Variants in NEDD4L observed in about 807,000 individuals in gnomAD.
The protein encoded by NEDD4L is NEDD4 like E3 ubiquitin protein ligase.
Under a neutral mutation model 148.9 loss-of-function variants are expected in NEDD4L, and 54 were observed. The ratio of observed to expected loss-of-function variants is 0.36; its 90% CI spans 0.29 to 0.45. The LOEUF is 0.45. Among genes scored for constraint, NEDD4L ranks in the 20% least tolerant of loss-of-function variants. NEDD4L has a pLI of 1.00. For missense variants in NEDD4L, 856 were observed against 1,233.8 expected (o/e 0.69, Z 4.59); for synonymous variants, 433 against 440.7 (o/e 0.98, Z 0.22).
intron 2 of NEDD4L, among the ~76,000 whole-genome samples, chr18:58,217,447 A>G (rs1192669266): frequency 6.6e-6 from 1 of 152,226 alleles, no homozygotes; most frequent in Non-Finnish European, 1.5e-5. Flanking sequence ...TAAGTGATAT[A>G]GTACATTCTT....
At position 58,366,720 on chromosome 18, in the gene NEDD4L, T is replaced by C. The variant is rs1198762875; in HGVS notation, c.2063+492T>C. On this transcript the variant is annotated intron_variant, in intron 21 of 30. Coordinates refer to ENST00000400345, the MANE Select transcript of NEDD4L (RefSeq NM_001144967.3). The surrounding 1 kb of genome is among the most constrained non-coding windows in gnomAD (Gnocchi z 4.2). ...TTTCATCATTGCCAGGCTTGGAAAC[T>C]GAGGCAGACTAAATTGCTTTCTGAG... 1 of 152,632 alleles carries C rather than the reference T, an allele frequency of 6.6e-6. No homozygotes were observed. Among genetic ancestry groups the C allele is most frequent in the East Asian group, 1.9e-4 (1 of 5,214 alleles). The allele number at this position is 152,632 out of a possible 1,614,324, so 9.5% of individuals were successfully genotyped here. A position where few individuals can be genotyped will look rare whatever the true frequency, so the allele number is the denominator to read the frequency against.
intron 1 of NEDD4L, among the ~76,000 whole-genome samples, chr18:58,112,360 CTTTATTTATTTA>C (rs199799632): frequency 0.018 from 2,532 of 143,628 alleles, 49 homozygotes; most frequent in Admixed American, 0.038. Context: ...TCCTATTTGT[CTTTATTTATTTA>C]TTTATTTATT....
At chr18:58,312,155 A>G (rs2057774562) in intron 5 of NEDD4L, among the ~76,000 whole-genome samples, 1 of 152,242 alleles carries the variant, frequency 6.6e-6, no homozygotes. Context: ...GCTCCATTCT[A>G]CATTGTCATT....
At chr18:58,374,568 G>A (rs1449209675) in intron 24 of NEDD4L, among the ~76,000 whole-genome samples, 1 of 152,018 alleles carries the variant, frequency 6.6e-6, no homozygotes, top group Non-Finnish European at 1.5e-5. Context: ...ATGGGGCAGG[G>A]AGGGGTCTTT....
intron 5 of NEDD4L, among the ~76,000 whole-genome samples, chr18:58,281,807 C>T (rs62096364): frequency 0.16 from 23,611 of 151,712 alleles, 2,066 homozygotes; most frequent in Non-Finnish European, 0.18. Context: ...GGGCGGATCA[C>T]GAGGTCAGGA....
At chr18:58,152,936 G>A (rs910919411) in intron 1 of NEDD4L, among the ~76,000 whole-genome samples, 1 of 152,196 alleles carries the variant, frequency 6.6e-6, no homozygotes, top group African/African-American at 2.4e-5. Flanking sequence ...GAAATCTCAT[G>A]ACAGGCATCA....
intron 11 of NEDD4L, among the ~76,000 whole-genome samples, chr18:58,331,958 A>G (rs1774633877): frequency 6.6e-6 from 1 of 152,252 alleles, no homozygotes; most frequent in South Asian, 2.1e-4. Flanking sequence ...TCAAAAAGAG[A>G]TGTGTCGCCA....
intron 13 of NEDD4L, among the ~76,000 whole-genome samples, chr18:58,339,047 G>C (rs12373506): frequency 0.79 from 120,246 of 151,890 alleles, 47,922 homozygotes; most frequent in East Asian, 0.96. Context: ...TCCAGAGATT[G>C]AGTAACTGCA....
chr18:58,214,094 T>C (rs1434399942), intron 2 of NEDD4L, among the ~76,000 whole-genome samples: 1 of 152,216 alleles, frequency 6.6e-6, no homozygotes, highest in Non-Finnish European at 1.5e-5. Flanking sequence ...ATTCCTGCTT[T>C]GGCCTACATG....
In NEDD4L at chr18:58,350,863, C is replaced by T. The variant is rs990585011; in HGVS notation, c.1654-128C>T. On this transcript the variant is annotated intron_variant, in intron 17 of 30. Transcript: ENST00000400345. ...GAAATGTTCATATTTAGTTCACGCT[C>T]AATGCATAAATGTACCCTAGCAGAA... 1.9e-5 allele frequency: 12 copies of T among 648,044 alleles called. No individual in the cohort carries two copies. The African/African-American group carries it at 2.0e-4, about 11-fold the overall frequency. 40.1% of individuals were successfully genotyped at this position (648,044 alleles called of 1,614,324 possible).
chr18:58,122,317 C>T (rs1367174316), intron 1 of NEDD4L, among the ~76,000 whole-genome samples: 8 of 152,116 alleles, frequency 5.3e-5, no homozygotes, highest in African/African-American at 9.6e-5. Context: ...CTGGCCAACA[C>T]GGTGAAACCC....
chr18:58,155,711 G>C (rs999544492), intron 1 of NEDD4L, among the ~76,000 whole-genome samples: 2 of 152,206 alleles, frequency 1.3e-5, no homozygotes, highest in African/African-American at 4.8e-5. Context: ...GCAGGTGCCT[G>C]GTAGATAAAT....
chr18:58,256,010 C>G lies in NEDD4L; in HGVS notation c.297+3956C>G, dbSNP rs905138266. On this transcript the variant is annotated intron_variant, in intron 5 of 30. Coordinates refer to ENST00000400345, the MANE Select transcript of NEDD4L (RefSeq NM_001144967.3). This position sits in a 1 kb window ranked among gnomAD's most constrained non-coding sequence, Gnocchi z 5.2. ...TGGGCCTCCATGCGCAACGCCCGAC[C>G]CCAGGGACCAGGCCTCCGCCACTGC... 4.9e-6 allele frequency: 6 copies of G among 1,230,282 alleles called. No individual in the cohort carries two copies. In the South Asian group the frequency reaches 2.5e-4, roughly 51 times the overall value. 76.2% of individuals were successfully genotyped at this position (1,230,282 alleles called of 1,614,324 possible).
At chr18:58,176,327 T>C (rs1200232558) in intron 2 of NEDD4L, among the ~76,000 whole-genome samples, 1 of 151,904 alleles carries the variant, frequency 6.6e-6, no homozygotes, top group Non-Finnish European at 1.5e-5. Flanking sequence ...CCCCCTCATC[T>C]CTTTCTTCCT....
At chr18:58,083,699 A>C (rs565936648) in intron 1 of NEDD4L, among the ~76,000 whole-genome samples, 4 of 152,172 alleles carry the variant, frequency 2.6e-5, no homozygotes, top group Non-Finnish European at 5.9e-5. Context: ...AAAAACAAAA[A>C]AAACAAAACA....
At chr18:58,147,087 A>T (rs1204737970) in intron 1 of NEDD4L, among the ~76,000 whole-genome samples, 3 of 152,176 alleles carry the variant, frequency 2.0e-5, no homozygotes, top group Non-Finnish European at 4.4e-5. Context: ...CTGGATTACA[A>T]ATAGAATATG....
At chr18:58,316,123 AC>A in intron 6 of NEDD4L, 91 bp downstream of exon 6, 1 of 1,064,074 alleles carries the variant, frequency 9.4e-7, no homozygotes, top group Non-Finnish European at 1.4e-6. Context: ...GCATTTCTTC[AC>A]CACGGTGAAG....
At chr18:58,316,982 G>A (rs200858265) in intron 6 of NEDD4L, among the ~76,000 whole-genome samples, 1 of 151,508 alleles carries the variant, frequency 6.6e-6, no homozygotes, top group Non-Finnish European at 1.5e-5. Flanking sequence ...GCTATTTAAA[G>A]CTAGCATAAG....
chr18:58,260,641 C>G (rs2049243741), intron 5 of NEDD4L, among the ~76,000 whole-genome samples: 1 of 152,144 alleles, frequency 6.6e-6, no homozygotes, highest in African/African-American at 2.4e-5. Context: ...TACTATGATA[C>G]CACTTTGTGC....
Sources: gnomAD v4.1 joint callset for allele counts (sites outside exome capture counted in the v4.1 genomes callset) on GRCh38, gnomAD v4.1.1 for gene constraint, Gnocchi (gnomAD v3.1) non-coding constraint, MANE v1.5 for transcripts, NCBI Gene and HGNC (gene_info 2026-07-23, HGNC 2026-07-21) for gene names.